RAB11FIP3: variants seen among roughly 807,000 people sequenced by gnomAD.
RAB11FIP3 encodes the protein RAB11 family interacting protein 3.
A neutral mutation model predicts 77.8 loss-of-function variants in RAB11FIP3; 17 were observed. The observed-to-expected ratio is 0.22, with a 90% CI of 0.15 to 0.33. The LOEUF (loss-of-function observed/expected upper bound fraction) is 0.33, where lower values mean the gene tolerates loss of function less well. Among genes scored for constraint, RAB11FIP3 ranks in the 10% least tolerant of loss-of-function variants. The probability of loss-of-function intolerance (pLI) is 1.00; values close to 1 mark genes in which losing one functional copy is unlikely to be tolerated. For synonymous variants in RAB11FIP3, 437 were observed against 448.2 expected, an observed-to-expected ratio of 0.98 and a Z score of 0.31; for missense variants, 1,005 against 1,011.2, an observed-to-expected ratio of 0.99 and a Z score of 0.08.
In RAB11FIP3 at chr16:506,436, C is replaced by T. The variant is rs1330437291; in HGVS notation, c.1499+809C>T. Among the ~76,000 whole-genome samples, 1 of 152,192 alleles carries T rather than the reference C, an allele frequency of 6.6e-6. No homozygotes were observed. The highest frequency in any genetic ancestry group is 1.9e-4 in the East Asian group (1 of 5,178). ...CAGAAGAGGTTCTTCCTGTGAGCTT[C>T]TGTCCCTGCCCAGCTGCGCGGGCAC... On this transcript the variant is annotated intron_variant, in intron 8 of 13. Transcript: ENST00000262305. The surrounding 1 kb of genome is among the most constrained non-coding windows in gnomAD (Gnocchi z 4.5).
chr16:498,922 T>C (rs1205282736), intron 6 of RAB11FIP3, among the ~76,000 whole-genome samples: 1 of 151,470 alleles, frequency 6.6e-6, no homozygotes, highest in Non-Finnish European at 1.5e-5. Flanking sequence ...CAGAAAAGCA[T>C]TGAGCTGGCC....
chr16:495,284 C>A (rs1199277366), intron 5 of RAB11FIP3, among the ~76,000 whole-genome samples: 1 of 151,998 alleles, frequency 6.6e-6, no homozygotes, highest in African/African-American at 2.4e-5. Flanking sequence ...GGGGCAGAGC[C>A]CCCCAGCTAC....
chr16:491,358 C>CCTCTCAGGCAGCGG, intron 5 of RAB11FIP3: 2 of 1,216,620 alleles, frequency 1.6e-6, no homozygotes, highest in East Asian at 1.2e-4. Context: ...TGCCCCGAGG[C>CCTCTCAGGCAGCGG]GACCAGGAGC....
chr16:449,957 A>G (rs2055379737), intron 1 of RAB11FIP3, among the ~76,000 whole-genome samples: 1 of 152,070 alleles, frequency 6.6e-6, no homozygotes, highest in African/African-American at 2.4e-5. Context: ...TCTCAAAAAA[A>G]AATTTTGTTT....
At chr16:442,267 G>A (rs377448806) in intron 1 of RAB11FIP3, among the ~76,000 whole-genome samples, 7 of 152,238 alleles carry the variant, frequency 4.6e-5, no homozygotes, top group Non-Finnish European at 1.0e-4. Context: ...AGCTTCCTGC[G>A]TAGGTGGGAC....
chr16:449,081 T>C (rs559689714), intron 1 of RAB11FIP3, among the ~76,000 whole-genome samples: 2 of 152,240 alleles, frequency 1.3e-5, no homozygotes, highest in East Asian at 1.9e-4. Context: ...CTCTACACAG[T>C]AGAGTCCTCC....
chr16:426,867 CT>C lies in RAB11FIP3; in HGVS notation c.714+149del, dbSNP rs1355107358. ...TCCTGCTTTTTCTGCTTATTCACCACTTCGGCCCTGGATTTCTGGTTGAATT... is the reference window on the plus strand; with the variant it reads ...TCCTGCTTTTTCTGCTTATTCACCACTCGGCCCTGGATTTCTGGTTGAATT... On this transcript the variant is annotated intron_variant, in intron 1 of 13. Coordinates refer to ENST00000262305, the MANE Select transcript of RAB11FIP3 (RefSeq NM_014700.4). The surrounding 1 kb of genome is among the most constrained non-coding windows in gnomAD (Gnocchi z 5.0). 2.0e-5 allele frequency: 11 copies of C among 548,138 alleles called. No homozygotes were observed. Among genetic ancestry groups the C allele is most frequent in the African/African-American group, 1.4e-4 (7 of 51,372 alleles). 34.0% of individuals were successfully genotyped at this position (548,138 alleles called of 1,614,324 possible).
intron 1 of RAB11FIP3, among the ~76,000 whole-genome samples, chr16:429,452 G>A (rs1259465823): frequency 6.6e-6 from 1 of 151,790 alleles, no homozygotes; most frequent in Non-Finnish European, 1.5e-5. Flanking sequence ...GAGACTCTTA[G>A]TCCAGTCACA....
chr16:492,362 T>TCCCGGGGGACCCGAGGCCGCCCAGGGCCC (rs2030354690), intron 5 of RAB11FIP3, among the ~76,000 whole-genome samples: 2 of 63,628 alleles, frequency 3.1e-5, no homozygotes, highest in Non-Finnish European at 6.2e-5. Context: ...GAAGAGGGTC[T>TCCCGGGGGACCCGAGGCCGCCCAGGGCCC]TCCCGGGAGA....
rs552749375 is a variant in RAB11FIP3 at position 499,178 on chromosome 16, C to T, written c.1301+2319C>T. 5.9e-5 allele frequency among the ~76,000 whole-genome samples: 9 copies of T among 152,284 alleles called. No homozygotes were observed. The South Asian group carries it at 1.9e-3, about 32-fold the overall frequency. ...AGTGAGCCGAGATTGTGCCATTGTA[C>T]TCCAGCCTGGGCAACAAGAGCGAGA... On this transcript the variant is annotated intron_variant, in intron 6 of 13. Transcript: ENST00000262305.
At chr16:484,509 G>A (rs1381508602) in intron 4 of RAB11FIP3, among the ~76,000 whole-genome samples, 1 of 152,072 alleles carries the variant, frequency 6.6e-6, no homozygotes, top group Admixed American at 6.5e-5. Context: ...CCGCCACCAC[G>A]CCCGGCTAAT....
chr16:447,342 C>T (rs1386475802), intron 1 of RAB11FIP3, among the ~76,000 whole-genome samples: 1 of 151,806 alleles, frequency 6.6e-6, no homozygotes, highest in African/African-American at 2.4e-5. Context: ...AGAGAGATGG[C>T]GTCTCGCTCT....
intron 3 of RAB11FIP3, among the ~76,000 whole-genome samples, chr16:479,407 G>A (rs765499185): frequency 1.3e-5 from 2 of 151,974 alleles, no homozygotes; most frequent in African/African-American, 2.4e-5. Context: ...AAACACAGCA[G>A]TAAAAACAGT....
At position 518,964 on chromosome 16, in the gene RAB11FIP3, G is replaced by A; in HGVS notation, c.1662G>A (p.Glu554=). The A allele has an allele frequency of 6.2e-7, 1 of 1,613,730 alleles. No individual in the cohort carries two copies. The highest frequency in any genetic ancestry group is 8.5e-7 in the Non-Finnish European group (1 of 1,180,018). Residue 554 remains glutamate, a synonymous_variant, in exon 10 of 14, where the codon GAG becomes GAA. Coordinates refer to ENST00000262305, the MANE Select transcript of RAB11FIP3 (RefSeq NM_014700.4). ...LQTRLQQLDE[E]NSELRSCTPC... Reference sequence around the variant, plus strand: ...CCAGGCTACAGCAACTGGACGAGGAGAACAGTGAACTCCGGTCCTGCACGC... The same window carrying A: ...CCAGGCTACAGCAACTGGACGAGGAAAACAGTGAACTCCGGTCCTGCACGC...
rs779597265 is a variant in RAB11FIP3 at position 426,368 on chromosome 16, C to G, written c.362C>G (p.Pro121Arg). The G allele has an allele frequency of 6.5e-7, 1 of 1,544,990 alleles. No homozygotes were observed. Among genetic ancestry groups the G allele is most frequent in the Non-Finnish European group, 8.7e-7 (1 of 1,147,992 alleles). ...RSEAPLPELD[P>R]LFSWTEEPEE... ...GAAGCGCCGCTTCCAGAACTCGACC[C>G]GTTGTTCTCCTGGACTGAGGAGCCC... The change falls in exon 1 of 14, where the codon CCG becomes CGG. Residue 121 changes from proline (P) to arginine (R), a missense_variant. By Grantham distance (103) the Pro-to-Arg change is moderately radical. Transcript: ENST00000262305. The surrounding 1 kb of genome is among the most constrained non-coding windows in gnomAD (Gnocchi z 5.0).
chr16:454,895 C>G (rs1232862435), intron 1 of RAB11FIP3, among the ~76,000 whole-genome samples: 2 of 151,532 alleles, frequency 1.3e-5, no homozygotes, highest in African/African-American at 4.9e-5. Flanking sequence ...ACTAAAAATT[C>G]AAAAGTTAGC....
At chr16:490,245 C>A (rs1321834198) in intron 5 of RAB11FIP3, among the ~76,000 whole-genome samples, 3 of 152,252 alleles carry the variant, frequency 2.0e-5, no homozygotes, top group Non-Finnish European at 4.4e-5. Context: ...TGCCTTTGCT[C>A]CTTTGCCTTC....
At chr16:488,241 G>A (rs1484106919) in intron 4 of RAB11FIP3, among the ~76,000 whole-genome samples, 12 of 152,108 alleles carry the variant, frequency 7.9e-5, no homozygotes, top group African/African-American at 1.9e-4. Context: ...TTAGCCGGGC[G>A]TGGTGGCGGG....
intron 5 of RAB11FIP3, among the ~76,000 whole-genome samples, chr16:490,500 G>A (rs2179768): frequency 0.4 from 61,419 of 152,014 alleles, 13,928 homozygotes; most frequent in Middle Eastern, 0.54. Flanking sequence ...CTACTACGCC[G>A]GGCTAATTTT....
Sources: allele counts gnomAD v4.1 joint callset (sites outside exome capture counted in the v4.1 genomes callset), GRCh38; gene constraint gnomAD v4.1.1; non-coding constraint Gnocchi (gnomAD v3.1); transcripts MANE v1.5; gene names NCBI Gene and HGNC (gene_info 2026-07-23, HGNC 2026-07-21).